OR56A3: variants seen among roughly 807,000 people sequenced by gnomAD.
OR56A3 encodes olfactory receptor family 56 subfamily A member 3.
In OR56A3, 23 loss-of-function variants were observed where a neutral mutation model predicts 17.5. The ratio of observed to expected loss-of-function variants is 1.32; its 90% CI spans 0.95 to 1.87. The LOEUF (loss-of-function observed/expected upper bound fraction) is 1.87, where lower values mean the gene tolerates loss of function less well. OR56A3 is among the 40% of genes most tolerant of loss of function. The pLI is 0.00. For synonymous variants in OR56A3, 175 were observed against 150.6 expected (o/e 1.16, Z -1.19); for missense variants, 366 against 380.1 (o/e 0.96, Z 0.31).
the OR56A3 span, among the ~76,000 whole-genome samples, chr11:5,973,988 T>C: frequency 5.9e-5 from 9 of 152,220 alleles, no homozygotes; most frequent in African/African-American, 1.4e-4. Flanking sequence ...TGTTGCTGCC[T>C]CTCCATTGCC....
the OR56A3 span, chr11:6,000,947 A>G: frequency 6.6e-6 from 1 of 152,244 alleles, no homozygotes; most frequent in Non-Finnish European, 1.5e-5. Flanking sequence ...TGGAAGTAGG[A>G]TAGTCCAGTT....
the OR56A3 span, chr11:5,967,629 G>C: frequency 1.9e-6 from 3 of 1,614,016 alleles, no homozygotes; most frequent in South Asian, 3.3e-5. Context: ...GGGGTTCAGA[G>C]CTGGGGGAAT....
At chr11:5,967,840 G>T in the OR56A3 span, 1 of 1,565,386 alleles carries the variant, frequency 6.4e-7, no homozygotes, top group Non-Finnish European at 8.7e-7. Context: ...AAGTAAGAGA[G>T]AACAATAAGG....
chr11:5,968,003 T>A, the OR56A3 span: 1 of 1,591,174 alleles, frequency 6.3e-7, no homozygotes. Context: ...GAGAAGAAAG[T>A]ATGGGGATAG....
the OR56A3 span, among the ~76,000 whole-genome samples, chr11:5,961,336 G>A: frequency 6.6e-6 from 1 of 152,242 alleles, no homozygotes; most frequent in Non-Finnish European, 1.5e-5. Context: ...AGGAAGGAGA[G>A]ATCAGATTGT....
chr11:5,973,948 A>G, the OR56A3 span, among the ~76,000 whole-genome samples: 1 of 152,178 alleles, frequency 6.6e-6, no homozygotes, highest in Non-Finnish European at 1.5e-5. Context: ...CATATCTTCC[A>G]AAGCTCCAGT....
At chr11:5,960,721 T>C in the OR56A3 span, among the ~76,000 whole-genome samples, 1 of 149,272 alleles carries the variant, frequency 6.7e-6, no homozygotes, top group Non-Finnish European at 1.5e-5. Flanking sequence ...TGGCTGCCCA[T>C]CGTCTGGGAT....
At chr11:6,010,451 T>C in the OR56A3 span, among the ~76,000 whole-genome samples, 3 of 152,142 alleles carry the variant, frequency 2.0e-5, no homozygotes, top group African/African-American at 7.2e-5. Flanking sequence ...TCATTAGGAT[T>C]AGTGCTTTTA....
chr11:5,968,341 TG>T, the OR56A3 span: 1 of 1,613,372 alleles, frequency 6.2e-7, no homozygotes, highest in Admixed American at 1.7e-5. Flanking sequence ...TCCAGATAGA[TG>T]GTGATCAGAA....
At chr11:5,972,487 G>T in the OR56A3 span, among the ~76,000 whole-genome samples, 3 of 152,220 alleles carry the variant, frequency 2.0e-5, no homozygotes, top group African/African-American at 7.2e-5. Flanking sequence ...CAACAGATTA[G>T]GTCCTGCTTG....
chr11:5,986,531 C>A, the OR56A3 span: 1 of 1,613,812 alleles, frequency 6.2e-7, no homozygotes, highest in Admixed American at 1.7e-5. Flanking sequence ...GCCATGGCCA[C>A]AAGTACCCCT....
chr11:5,994,199 G>T, the OR56A3 span: 2 of 525,248 alleles, frequency 3.8e-6, no homozygotes, highest in African/African-American at 3.8e-5. Context: ...ACCTCCCTCA[G>T]GCTGTTCTCT....
At chr11:5,967,743 A>G in the OR56A3 span, 1 of 1,609,050 alleles carries the variant, frequency 6.2e-7, no homozygotes, top group South Asian at 1.1e-5. Flanking sequence ...GAAGAAGAGG[A>G]TGAGGATGAA....
At chr11:5,953,395 A>G (rs938441275), downstream of OR56A3, among the ~76,000 whole-genome samples, 37 of 152,110 alleles carry the variant, frequency 2.4e-4, no homozygotes, top group Admixed American at 2.3e-3. Context: ...ATTTCTCTTG[A>G]TGATTACTGA....
At chr11:5,982,039 G>T in the OR56A3 span, among the ~76,000 whole-genome samples, 1 of 152,190 alleles carries the variant, frequency 6.6e-6, no homozygotes. Context: ...CACTGGAGGA[G>T]CCAAGGTGTT....
chr11:5,998,709 C>G, the OR56A3 span, among the ~76,000 whole-genome samples: 1 of 152,170 alleles, frequency 6.6e-6, no homozygotes, highest in South Asian at 2.1e-4. Context: ...TTTATGGACT[C>G]TGTTTCATTT....
downstream of OR56A3, among the ~76,000 whole-genome samples, chr11:5,954,671 A>G (rs1254097247): frequency 1.3e-5 from 2 of 152,204 alleles, no homozygotes; most frequent in East Asian, 3.8e-4. Flanking sequence ...ATTATTTCCA[A>G]CCTTAACAAA....
chr11:5,958,189 T>C, the OR56A3 span, among the ~76,000 whole-genome samples: 2 of 152,150 alleles, frequency 1.3e-5, no homozygotes, highest in African/African-American at 4.8e-5. Flanking sequence ...GAACAGTACT[T>C]TTAGTCTGCA....
chr11:6,013,979 C>T, the OR56A3 span, among the ~76,000 whole-genome samples: 1 of 152,186 alleles, frequency 6.6e-6, no homozygotes, highest in African/African-American at 2.4e-5. Context: ...TCAGCACAAA[C>T]ACCTGGCCCA....
Sources: gnomAD v4.1 joint callset for allele counts (sites outside exome capture counted in the v4.1 genomes callset) on GRCh38, gnomAD v4.1.1 for gene constraint, MANE v1.5 for transcripts, NCBI Gene and HGNC (gene_info 2026-07-23, HGNC 2026-07-21) for gene names.